The following GLDC variants were observed in gnomAD, a reference collection of about 807,000 sequenced individuals.
The protein encoded by GLDC is glycine dehydrogenase (decarboxylating), mitochondrial.
GLDC carries 104 observed loss-of-function variants against 121.3 expected under a neutral mutation model. The observed-to-expected ratio is 0.86, with a 90% CI of 0.73 to 1.01. The LOEUF (loss-of-function observed/expected upper bound fraction) is 1.01, where lower values mean the gene tolerates loss of function less well. Ranked by LOEUF, GLDC falls within the 50% of genes least tolerant of loss-of-function variation. The probability of loss-of-function intolerance (pLI) is 0.00; values close to 1 mark genes in which losing one functional copy is unlikely to be tolerated. For synonymous variants in GLDC, 546 were observed against 480.6 expected, an observed-to-expected ratio of 1.14 and a Z score of -1.78; for missense variants, 1,429 against 1,306.6, an observed-to-expected ratio of 1.09 and a Z score of -1.44.
intron 21 of GLDC, among the ~76,000 whole-genome samples, chr9:6,547,057 T>C (rs1238684218): frequency 6.6e-6 from 1 of 152,106 alleles, no homozygotes; most frequent in Non-Finnish European, 1.5e-5. Context: ...TTAGGTACTA[T>C]ATATTAAATG....
intron 11 of GLDC, among the ~76,000 whole-genome samples, chr9:6,591,204 C>CT (rs1399880637): frequency 6.6e-6 from 1 of 152,310 alleles, no homozygotes; most frequent in East Asian, 1.9e-4. Context: ...CATGTACTCC[C>CT]TCTCCCAGCC....
At chr9:6,623,902 T>C (rs1819174640) in intron 2 of GLDC, among the ~76,000 whole-genome samples, 1 of 152,204 alleles carries the variant, frequency 6.6e-6, no homozygotes, top group East Asian at 1.9e-4. Flanking sequence ...GGAGGAAAGA[T>C]TAATTAGCAG....
At chr9:6,558,780 G>T in intron 16 of GLDC, 96 bp from the exon 17 acceptor site, 1 of 1,263,290 alleles carries the variant, frequency 7.9e-7, no homozygotes, top group Non-Finnish European at 1.2e-6. Flanking sequence ...GCACAAATTA[G>T]ACACCACCTG....
chr9:6,556,102 A>G (rs1817624020), intron 18 of GLDC, 51 bp downstream of exon 18: 1 of 1,502,030 alleles, frequency 6.7e-7, no homozygotes, highest in African/African-American at 1.4e-5. Flanking sequence ...TTTTTTTTCC[A>G]CATATCCATT....
intron 2 of GLDC, among the ~76,000 whole-genome samples, chr9:6,620,567 G>T (rs912106673): frequency 4.6e-5 from 7 of 150,914 alleles, no homozygotes; most frequent in African/African-American, 1.7e-4. Flanking sequence ...TCCTTATTCG[G>T]TTCTGTTTGC....
chr9:6,560,193 C>T (rs1362668836), intron 16 of GLDC, among the ~76,000 whole-genome samples: 4 of 151,278 alleles, frequency 2.6e-5, no homozygotes, highest in Admixed American at 2.6e-4. Context: ...AAGGAGAAGC[C>T]ATGATTACCC....
At chr9:6,641,650 T>C (rs1587987771) in intron 2 of GLDC, among the ~76,000 whole-genome samples, 1 of 152,204 alleles carries the variant, frequency 6.6e-6, no homozygotes. Context: ...GGTATTTTCC[T>C]CATAGGGTTG....
intron 21 of GLDC, among the ~76,000 whole-genome samples, chr9:6,549,646 A>G (rs576753596): frequency 5.3e-4 from 80 of 152,130 alleles, no homozygotes; most frequent in African/African-American, 1.4e-3. Flanking sequence ...CCACAGCCCA[A>G]TGTGTAAAAG....
At chr9:6,547,755 G>A (rs1242254071) in intron 21 of GLDC, among the ~76,000 whole-genome samples, 3 of 152,156 alleles carry the variant, frequency 2.0e-5, no homozygotes, top group African/African-American at 7.2e-5. Context: ...TCTACACAAT[G>A]GAATTGACAG....
At chr9:6,563,185 G>C (rs1817791586) in intron 16 of GLDC, among the ~76,000 whole-genome samples, 1 of 152,212 alleles carries the variant, frequency 6.6e-6, no homozygotes. Flanking sequence ...AAACCCAAAG[G>C]CCTTTCATTC....
chr9:6,549,640 A>G (rs558313973), intron 21 of GLDC, among the ~76,000 whole-genome samples: 11 of 152,266 alleles, frequency 7.2e-5, no homozygotes, highest in African/African-American at 2.4e-4. Context: ...CTGAGCCCAC[A>G]GCCCAATGTG....
intron 17 of GLDC, chr9:6,558,309 A>C: frequency 1.6e-6 from 1 of 609,644 alleles, no homozygotes; most frequent in Non-Finnish European, 2.9e-6. Context: ...AGAGGCAGGC[A>C]GGTTCTGCAA....
intron 8 of GLDC, among the ~76,000 whole-genome samples, chr9:6,596,860 A>C (rs1406350479): frequency 6.6e-6 from 1 of 152,226 alleles, no homozygotes; most frequent in Non-Finnish European, 1.5e-5. Flanking sequence ...ATGTAGAGTT[A>C]TATGACCCAG....
chr9:6,640,301 A>G (rs1563875454), intron 2 of GLDC, among the ~76,000 whole-genome samples: 1 of 152,262 alleles, frequency 6.6e-6, no homozygotes, highest in Non-Finnish European at 1.5e-5. Context: ...TGAGTCGGGA[A>G]TGGCCAAAGG....
intron 2 of GLDC, among the ~76,000 whole-genome samples, chr9:6,625,798 G>A (rs1488052155): frequency 6.6e-6 from 1 of 151,944 alleles, no homozygotes; most frequent in African/African-American, 2.4e-5. Flanking sequence ...TGGGGTTAAC[G>A]TTTTATGGGT....
intron 16 of GLDC, among the ~76,000 whole-genome samples, chr9:6,558,919 A>G (rs909554231): frequency 1.3e-5 from 2 of 152,226 alleles, no homozygotes; most frequent in African/African-American, 2.4e-5. Context: ...TGCTCAGGAA[A>G]TCAATACAAT....
intron 21 of GLDC, among the ~76,000 whole-genome samples, chr9:6,550,011 C>G (rs1817478706): frequency 6.6e-6 from 1 of 152,170 alleles, no homozygotes; most frequent in Non-Finnish European, 1.5e-5. Context: ...CCTATCCCAT[C>G]CTTCACTCCA....
chr9:6,603,620 T>C (rs1208762645), intron 7 of GLDC, among the ~76,000 whole-genome samples: 1 of 152,186 alleles, frequency 6.6e-6, no homozygotes, highest in East Asian at 1.9e-4. Context: ...CTTACTCACT[T>C]ATGTTAAAGT....
At chr9:6,560,343 A>C (rs981609149) in intron 16 of GLDC, among the ~76,000 whole-genome samples, 4 of 152,274 alleles carry the variant, frequency 2.6e-5, no homozygotes, top group African/African-American at 9.6e-5. Context: ...AAACGTGTAC[A>C]AAAAGAAAAC....
Sources: allele counts gnomAD v4.1 joint callset (sites outside exome capture counted in the v4.1 genomes callset), GRCh38; gene constraint gnomAD v4.1.1; transcripts MANE v1.5; gene names NCBI Gene and HGNC (gene_info 2026-07-23, HGNC 2026-07-21).